Variants in ATP8B3 observed in about 807,000 individuals in gnomAD.
ATP8B3 encodes the protein phospholipid-transporting ATPase IK.
ATP8B3 carries 141 observed loss-of-function variants against 140.9 expected under a neutral mutation model. That is an observed-to-expected ratio of 1.00 (90% CI 0.87 to 1.15). The LOEUF is 1.15. ATP8B3 is among the 50% of genes most tolerant of loss of function. The pLI is 0.00. For missense variants in ATP8B3, 1,874 were observed against 1,740.6 expected, an observed-to-expected ratio of 1.08 and a Z score of -1.36; for synonymous variants, 765 against 714.6, an observed-to-expected ratio of 1.07 and a Z score of -1.13.
At chr19:1,784,755 ACGGCTCCCC>A in intron 28 of ATP8B3, 55 bp downstream of exon 28, 2 of 1,516,026 alleles carry the variant, frequency 1.3e-6, no homozygotes, top group Admixed American at 4.2e-5. Flanking sequence ...TACGCCCTGC[ACGGCTCCCC>A]AACCAGGGTC....
intron 14 of ATP8B3, among the ~76,000 whole-genome samples, chr19:1,797,468 TTTTATTTATTTATTTATTTA>T (rs5826746): frequency 0.039 from 5,542 of 142,510 alleles, 345 homozygotes; most frequent in African/African-American, 0.13. Flanking sequence ...TCTTTTTTAT[TTTTATTTATTTATTTATTTA>T]TTTATTTATT....
rs1434107732 is a variant in ATP8B3, at chr19:1,806,896, C to G, written c.616-207G>C. ...GGCGGGGAGAAGACAGGCGTGCTGC[C>G]CACCACCTAGAGTGCCTGCCAGACC... is the stretch of plus-strand genomic sequence containing the variant. On this transcript the variant is annotated intron_variant, in intron 6 of 28. Coordinates refer to ENST00000310127, the MANE Select transcript of ATP8B3 (RefSeq NM_138813.4). The surrounding 1 kb of genome is among the most constrained non-coding windows in gnomAD (Gnocchi z 5.6). Among the ~76,000 whole-genome samples the G allele has an allele frequency of 6.6e-6, 1 of 152,152 alleles. No individual in the cohort carries two copies. The highest frequency in any genetic ancestry group is 1.5e-5 in the Non-Finnish European group (1 of 68,014).
intron 24 of ATP8B3, among the ~76,000 whole-genome samples, chr19:1,788,593 T>G (rs2068380029): frequency 6.6e-6 from 1 of 152,158 alleles, no homozygotes; most frequent in Admixed American, 6.5e-5. Context: ...GAGGCTGCAG[T>G]GAGCCGAGAT....
At chr19:1,788,812 G>C in intron 24 of ATP8B3, 85 bp downstream of exon 24, 3 of 1,323,020 alleles carry the variant, frequency 2.3e-6, no homozygotes, top group South Asian at 1.4e-5. Flanking sequence ...TTCTCAGTGC[G>C]TCCAGGGCTG....
intron 24 of ATP8B3, among the ~76,000 whole-genome samples, chr19:1,788,462 C>T (rs1008907725): frequency 6.6e-6 from 1 of 152,118 alleles, no homozygotes; most frequent in African/African-American, 2.4e-5. Context: ...CCAGCCTGGC[C>T]AACATGGTGA....
intron 19 of ATP8B3, 62 bp downstream of exon 19, chr19:1,791,939 G>A: frequency 6.3e-7 from 1 of 1,583,040 alleles, no homozygotes; most frequent in South Asian, 1.1e-5. Context: ...AGAGTCCCAG[G>A]GCCCCCTTGG....
Position 1,783,013 on chromosome 19 carries a change from C to T in ATP8B3, c.*15G>A, listed in dbSNP as rs1218542719. On this transcript the variant is annotated 3_prime_UTR_variant, in exon 29 of 29. Transcript: ENST00000310127. ...GGTGCTTCTTCTTCCCCAGGAAGGA[C>T]ATCTTCCTGAGGTGTCACTGTGACT... 1 of 1,591,674 alleles carries T rather than the reference C, an allele frequency of 6.3e-7. No homozygotes were observed. The highest frequency in any genetic ancestry group is 8.5e-7 in the Non-Finnish European group (1 of 1,169,756).
At chr19:1,785,772 A>G (rs2068287557) in intron 25 of ATP8B3, 64 bp from the exon 26 acceptor site, 6 of 1,308,330 alleles carry the variant, frequency 4.6e-6, no homozygotes, top group Non-Finnish European at 6.3e-6. Context: ...AGAGATCAGG[A>G]TCTCCTCGGG....
intron 2 of ATP8B3, 61 bp from the exon 3 acceptor site, chr19:1,810,744 G>T: frequency 6.6e-7 from 1 of 1,512,498 alleles, no homozygotes; most frequent in East Asian, 2.3e-5. Flanking sequence ...GGCACCACTC[G>T]GTCTTCAAGG....
At position 1,789,434 on chromosome 19, in the gene ATP8B3, G is replaced by A. The variant is rs1432385144; in HGVS notation, c.2772C>T (p.Ala924=). The part of the protein sequence containing the change: ...VTPKQKALIV[A]LVKKYHQVVT... Reference sequence around the variant, plus strand: ...CCACCTGGTGGTACTTCTTGACCAGGGCCACGATCAGGGCCTTCTGCTTGG... The same window carrying A: ...CCACCTGGTGGTACTTCTTGACCAGAGCCACGATCAGGGCCTTCTGCTTGG... Residue 924 remains alanine, a synonymous_variant, in exon 23 of 29, where the codon GCC becomes GCT. Coordinates refer to ENST00000310127, the MANE Select transcript of ATP8B3 (RefSeq NM_138813.4). 2 of 1,597,862 alleles carry A rather than the reference G, an allele frequency of 1.3e-6. No individual in the cohort carries two copies. The highest frequency in any genetic ancestry group is 1.7e-6 in the Non-Finnish European group (2 of 1,178,508).
rs147556613 is a variant in ATP8B3, at chr19:1,791,587, T to G, written c.2302+163A>C. Among the ~76,000 whole-genome samples, 442 of 152,150 alleles carry G rather than the reference T, an allele frequency of 2.9e-3. 2 individuals are homozygous for G. Among genetic ancestry groups the G allele is most frequent in the African/African-American group, 0.01 (420 of 41,512 alleles). On this transcript the variant is annotated intron_variant, in intron 20 of 28. Coordinates refer to ENST00000310127, the MANE Select transcript of ATP8B3 (RefSeq NM_138813.4). Reference sequence around the variant, plus strand: ...TTTGTATTTTTAGCAGAGACGGGGTTTGACCATGTTGGCCCTGCTGGTCTC... The same window carrying G: ...TTTGTATTTTTAGCAGAGACGGGGTGTGACCATGTTGGCCCTGCTGGTCTC...
At position 1,806,503 on chromosome 19, in the gene ATP8B3, G is replaced by A. The variant is rs367754408; in HGVS notation, c.677+125C>T. On this transcript the variant is annotated intron_variant, in intron 7 of 28. Transcript: ENST00000310127. The surrounding 1 kb of genome is among the most constrained non-coding windows in gnomAD (Gnocchi z 5.6). The stretch of plus-strand genomic sequence containing the variant: ...CCTAATGAATGCAGGCCCGGTTCCT[G>A]TCGGACTCAACCAGCCGGGAGATCA... 1 of 1,497,516 alleles carries A rather than the reference G, an allele frequency of 6.7e-7. No homozygotes were observed. Among genetic ancestry groups the A allele is most frequent in the African/African-American group, 1.4e-5 (1 of 72,326 alleles). The allele number at this position is 1,497,516 out of a possible 1,614,324, so 92.8% of individuals were successfully genotyped here.
intron 12 of ATP8B3, among the ~76,000 whole-genome samples, chr19:1,801,355 T>C (rs2068841806): frequency 6.6e-6 from 1 of 152,114 alleles, no homozygotes; most frequent in Non-Finnish European, 1.5e-5. Context: ...TTCACCATGT[T>C]GTTCAGGCTG....
chr19:1,785,463 G>GC lies in ATP8B3; in HGVS notation c.3393+5dup. The GC allele has an allele frequency of 6.2e-7, 1 of 1,611,968 alleles. No homozygotes were observed. ...AAGGCCCCGGGGAGGTGAGGACCTT[G>GC]CCCACCTCCATGGTGATGGACAGCA... On this transcript the variant is annotated splice_donor_region_variant and intron_variant, in intron 26 of 28. Transcript: ENST00000310127.
rs770919440 is a variant in ATP8B3, at chr19:1,785,169, G to A, written c.3522C>T (p.Phe1174=). The A allele has an allele frequency of 6.3e-7, 1 of 1,579,108 alleles. No individual in the cohort carries two copies. Among genetic ancestry groups the A allele is most frequent in the South Asian group, 1.2e-5 (1 of 85,866 alleles). Residue 1174 remains phenylalanine, a synonymous_variant, in exon 27 of 29, where the codon TTC becomes TTT. Coordinates refer to ENST00000310127, the MANE Select transcript of ATP8B3 (RefSeq NM_138813.4). ...FWLFRVSPTT[F]PFLYADLSVM... is the part of the protein sequence containing the mutation. ...CCCATGGGGGCTCACACAGAAACGG[G>A]AAGGTCGTGGGGGATACTCTGAAGA... is the stretch of plus-strand genomic sequence containing the variant.
rs1478036287 is a variant in ATP8B3 at position 1,785,237 on chromosome 19, C to A, written c.3454G>T (p.Gly1152Cys). 1 of 1,609,540 alleles carries A rather than the reference C, an allele frequency of 6.2e-7. No individual in the cohort carries two copies. Among genetic ancestry groups the A allele is most frequent in the Non-Finnish European group, 8.5e-7 (1 of 1,177,942 alleles). Residue 1152 changes from glycine to cysteine, a missense_variant, in exon 27 of 29, where the codon GGT becomes TGT. Transcript: ENST00000310127. ...GTGGTAGTCATGATGGCGTAGAAAC[C>A]AAGGCTGAGGAGGATGGTCGCCACG... ...LCVATILLSL[G>C]FYAIMTTTTQ...
chr19:1,785,740 T>TGGGGGG, intron 25 of ATP8B3, 32 bp from the exon 26 acceptor site: 1 of 960,022 alleles, frequency 1.0e-6, no homozygotes, highest in South Asian at 1.5e-5. Context: ...TGGGATTGGG[T>TGGGGGG]GGGGGGCGGG....
chr19:1,805,739 C>A lies in ATP8B3; in HGVS notation c.821+149G>T. 2.1e-6 allele frequency: 2 copies of A among 942,040 alleles called. No individual in the cohort carries two copies. Among genetic ancestry groups the A allele is most frequent in the Admixed American group, 2.2e-5 (1 of 45,230 alleles). 58.4% of individuals were successfully genotyped at this position (942,040 alleles called of 1,614,324 possible). The stretch of plus-strand genomic sequence containing the variant: ...GCGTCTTCCTCCCCTCAGTGCCTGG[C>A]AGCACCCACGCCCCAGACACTCATG... On this transcript the variant is annotated intron_variant, in intron 9 of 28. Transcript: ENST00000310127. The surrounding 1 kb of genome is among the most constrained non-coding windows in gnomAD (Gnocchi z 5.2).
intron 24 of ATP8B3, 147 bp from the exon 25 acceptor site, chr19:1,787,333 G>A (rs2068337582): frequency 1.6e-6 from 1 of 616,776 alleles, no homozygotes; most frequent in South Asian, 1.9e-5. Context: ...GTGGGGTGAA[G>A]TGCGGCCTGA....
Sources: gnomAD v4.1 joint callset for allele counts (sites outside exome capture counted in the v4.1 genomes callset) on GRCh38, gnomAD v4.1.1 for gene constraint, Gnocchi (gnomAD v3.1) non-coding constraint, MANE v1.5 for transcripts, NCBI Gene and HGNC (gene_info 2026-07-23, HGNC 2026-07-21) for gene names.